The following MAML1 variants were observed in gnomAD, a reference collection of about 807,000 sequenced individuals.
MAML1 encodes the protein mastermind like transcriptional coactivator 1.
In MAML1, 14 loss-of-function variants were observed where a neutral mutation model predicts 77.1. The ratio of observed to expected loss-of-function variants is 0.18; its 90% CI spans 0.12 to 0.28. The LOEUF is 0.28. Ranked by LOEUF, MAML1 falls within the 10% of genes least tolerant of loss-of-function variation. MAML1 has a pLI of 1.00. For synonymous variants in MAML1, 516 were observed against 551.9 expected, an observed-to-expected ratio of 0.93 and a Z score of 0.91; for missense variants, 1,217 against 1,327.8, an observed-to-expected ratio of 0.92 and a Z score of 1.30.
chr5:179,748,787 A>G (rs73342159), intron 1 of MAML1, among the ~76,000 whole-genome samples: 3,163 of 152,316 alleles, frequency 0.021, 129 homozygotes, highest in African/African-American at 0.073. Flanking sequence ...ACCAGGTCAC[A>G]TATCAAGAAT....
rs2113375009 is a variant in MAML1 at position 179,765,972 on chromosome 5, C to T, written c.962C>T (p.Ser321Phe). Reference sequence around the variant, plus strand: ...GGCTCTCCACAAGTGAGGGCCGGGTCTGCAGGGCAGACCTTTCTGGGGCCT... The same window carrying T: ...GGCTCTCCACAAGTGAGGGCCGGGTTTGCAGGGCAGACCTTTCTGGGGCCT... ...QLGSPQVRAG[S>F]AGQTFLGPSS... The change falls in exon 2 of 5, where the codon TCT (serine) becomes TTT (phenylalanine). Residue 321 changes from serine to phenylalanine, a missense_variant. Transcript: ENST00000292599. 1 of 1,613,244 alleles carries T rather than the reference C, an allele frequency of 6.2e-7. No homozygotes were observed. The highest frequency in any genetic ancestry group is 1.3e-5 in the African/African-American group (1 of 74,962).
In MAML1 at chr5:179,774,751, C is replaced by G. The variant is rs570932345; in HGVS notation, c.2925C>G (p.Ser975Arg). The change falls in exon 5 of 5, where the codon AGC (serine) becomes AGG (arginine). Residue 975 changes from serine (S) to arginine (R), a missense_variant. By Grantham distance (110) the Ser-to-Arg change is moderately radical. Transcript: ENST00000292599. ...TAGQELPFAYSGQPGGSGLSS... is the reference protein window; with the variant it reads ...TAGQELPFAYRGQPGGSGLSS... ...GCCAGGAGCTGCCTTTTGCCTATAG[C>G]GGGCAGCCAGGTGGCAGTGGGCTCT... The G allele has an allele frequency of 6.2e-7, 1 of 1,612,908 alleles. No homozygotes were observed. Among genetic ancestry groups the G allele is most frequent in the East Asian group, 2.2e-5 (1 of 44,890 alleles).
In MAML1 at chr5:179,776,087, T is replaced by C; in HGVS notation, c.*1210T>C. 1.0e-6 allele frequency: 1 copy of C among 985,880 alleles called. No homozygotes were observed. Among genetic ancestry groups the C allele is most frequent in the Non-Finnish European group, 1.2e-6 (1 of 829,928 alleles). The allele number at this position is 985,880 out of a possible 1,614,324, so 61.1% of individuals were successfully genotyped here. A position where few individuals can be genotyped will look rare whatever the true frequency, so the allele number is the denominator to read the frequency against. ...TTGACTAAGCTGAGGGTCCACGAAATAGAATATGACATGTGAGCTGTTTTT... is the reference window on the plus strand; with the variant it reads ...TTGACTAAGCTGAGGGTCCACGAAACAGAATATGACATGTGAGCTGTTTTT... On this transcript the variant is annotated 3_prime_UTR_variant, in exon 5 of 5. Transcript: ENST00000292599.
At chr5:179,752,338 A>ATATAT (rs1451163108) in intron 1 of MAML1, among the ~76,000 whole-genome samples, 702 of 50,178 alleles carry the variant, frequency 0.014, 17 homozygotes, top group South Asian at 0.068. Context: ...AAAAAAAAAA[A>ATATAT]AAAAAAAAAA....
In MAML1 at chr5:179,733,430, G is replaced by C; in HGVS notation, c.315+3G>C. The C allele has an allele frequency of 9.1e-7, 1 of 1,096,946 alleles. No individual in the cohort carries two copies. Among genetic ancestry groups the C allele is most frequent in the Non-Finnish European group, 1.1e-6 (1 of 904,370 alleles). The allele number at this position is 1,096,946 out of a possible 1,614,324, so 68.0% of individuals were successfully genotyped here. ...CCGAGCACGGCCGCCCGGCCACGGT[G>C]AGTAGGGCGCGGGAAGGCGCTTGTC... is the stretch of plus-strand genomic sequence containing the variant. On this transcript the variant is annotated splice_donor_region_variant and intron_variant, in intron 1 of 4. Coordinates refer to ENST00000292599, the MANE Select transcript of MAML1 (RefSeq NM_014757.5).
At chr5:179,753,235 G>A (rs1001916930) in intron 1 of MAML1, among the ~76,000 whole-genome samples, 2 of 151,292 alleles carry the variant, frequency 1.3e-5, no homozygotes, top group African/African-American at 4.9e-5. Flanking sequence ...GCGCGCGCGC[G>A]CGCGTGCTGG....
chr5:179,748,958 T>TG (rs61361855), intron 1 of MAML1, among the ~76,000 whole-genome samples: 69,281 of 151,210 alleles, frequency 0.46, 17,176 homozygotes, highest in South Asian at 0.61. Flanking sequence ...TTGTTTTTTT[T>TG]TTTTTTGTTT....
chr5:179,755,126 T>A (rs1779584647), intron 1 of MAML1, among the ~76,000 whole-genome samples: 1 of 152,206 alleles, frequency 6.6e-6, no homozygotes, highest in African/African-American at 2.4e-5. Flanking sequence ...GCAGTCACAC[T>A]CACATTCCAA....
At chr5:179,756,483 C>G (rs984285014) in intron 1 of MAML1, among the ~76,000 whole-genome samples, 6 of 149,782 alleles carry the variant, frequency 4.0e-5, no homozygotes, top group African/African-American at 1.5e-4. Flanking sequence ...AGTATATTCT[C>G]AGTCCTGAAA....
At chr5:179,767,095 CTTTTTTT>C (rs10707656) in intron 2 of MAML1, among the ~76,000 whole-genome samples, 12 of 100,964 alleles carry the variant, frequency 1.2e-4, no homozygotes, top group Non-Finnish European at 2.2e-4. Flanking sequence ...AGAGGCTTGG[CTTTTTTT>C]TTTTTTTTTT....
intron 1 of MAML1, among the ~76,000 whole-genome samples, chr5:179,739,856 C>T (rs973256791): frequency 8.5e-5 from 13 of 152,070 alleles, no homozygotes; most frequent in African/African-American, 2.4e-4. Context: ...TTTGGTGTCC[C>T]GGCGAGGCTG....
intron 1 of MAML1, among the ~76,000 whole-genome samples, chr5:179,743,607 C>T (rs1346705887): frequency 6.6e-6 from 1 of 151,776 alleles, no homozygotes; most frequent in African/African-American, 2.4e-5. Context: ...CCTTGCGATC[C>T]ACCCGCCTCA....
intron 1 of MAML1, among the ~76,000 whole-genome samples, chr5:179,760,191 CACTT>C (rs1204713619): frequency 6.6e-6 from 1 of 152,092 alleles, no homozygotes; most frequent in Non-Finnish European, 1.5e-5. Context: ...TATTCACAGA[CACTT>C]ATCAAGTGCT....
At chr5:179,750,329 TTGAG>T (rs1421827480) in intron 1 of MAML1, among the ~76,000 whole-genome samples, 2 of 152,156 alleles carry the variant, frequency 1.3e-5, no homozygotes, top group East Asian at 1.9e-4. Context: ...AACTCTCTCT[TTGAG>T]TGATTTGTTT....
intron 1 of MAML1, among the ~76,000 whole-genome samples, chr5:179,734,918 C>T (rs1779136632): frequency 6.6e-6 from 1 of 152,168 alleles, no homozygotes; most frequent in Non-Finnish European, 1.5e-5. Context: ...GTGATCCTTT[C>T]TTCCAACTTG....
chr5:179,752,340 A>T (rs1282430766), intron 1 of MAML1, among the ~76,000 whole-genome samples: 1,198 of 53,362 alleles, frequency 0.022, 58 homozygotes, highest in South Asian at 0.093. Flanking sequence ...AAAAAAAAAA[A>T]AAAAAAAAAA....
chr5:179,771,095 T>G lies in MAML1; in HGVS notation c.1972-52T>G. ...CTCTGACCTCCCTCACTCCCTTTGT[T>G]TTGGATTTTGTTATATGTTGGTTTT... is the stretch of plus-strand genomic sequence containing the variant. On this transcript the variant is annotated intron_variant, in intron 3 of 4. Coordinates refer to ENST00000292599, the MANE Select transcript of MAML1 (RefSeq NM_014757.5). This position sits in a 1 kb window ranked among gnomAD's most constrained non-coding sequence, Gnocchi z 4.7. 7.0e-7 allele frequency: 1 copy of G among 1,435,352 alleles called. No individual in the cohort carries two copies. Among genetic ancestry groups the G allele is most frequent in the Non-Finnish European group, 9.8e-7 (1 of 1,017,478 alleles). 88.9% of individuals were successfully genotyped at this position (1,435,352 alleles called of 1,614,324 possible). A position where few individuals can be genotyped will look rare whatever the true frequency, so the allele number is the denominator to read the frequency against.
At chr5:179,760,497 C>G (rs576901069) in intron 1 of MAML1, among the ~76,000 whole-genome samples, 1 of 152,230 alleles carries the variant, frequency 6.6e-6, no homozygotes, top group Admixed American at 6.5e-5. Flanking sequence ...CCGCATGACC[C>G]CAGCATGCTG....
rs1779680314 is a variant in MAML1 at position 179,759,219 on chromosome 5, T to C, written c.316-6107T>C. Among the ~76,000 whole-genome samples the C allele has an allele frequency of 2.0e-5, 3 of 152,238 alleles. No individual in the cohort carries two copies. In the South Asian group the frequency reaches 6.2e-4, roughly 32 times the overall value. On this transcript the variant is annotated intron_variant, in intron 1 of 4. Coordinates refer to ENST00000292599, the MANE Select transcript of MAML1 (RefSeq NM_014757.5). ...TCGGAAGTGGGATCAATTCACCAAG[T>C]CTGTTCTGACAAAGGGAGTCTGTCG...
Sources: gnomAD v4.1 joint callset for allele counts (sites outside exome capture counted in the v4.1 genomes callset) on GRCh38, gnomAD v4.1.1 for gene constraint, Gnocchi (gnomAD v3.1) non-coding constraint, MANE v1.5 for transcripts, NCBI Gene and HGNC (gene_info 2026-07-23, HGNC 2026-07-21) for gene names.